Variants in CTNNA2 observed in about 807,000 individuals in gnomAD.
CTNNA2 encodes the protein catenin alpha-2.
CTNNA2 carries 42 observed loss-of-function variants against 101.0 expected under a neutral mutation model. That is an observed-to-expected ratio of 0.42 (90% CI 0.32 to 0.54). The LOEUF is 0.54. CTNNA2 is among the 20% of genes least tolerant of loss of function. CTNNA2 has a pLI of 0.14. For synonymous variants in CTNNA2, 450 were observed against 456.4 expected, an observed-to-expected ratio of 0.99 and a Z score of 0.18; for missense variants, 871 against 1,223.1, an observed-to-expected ratio of 0.71 and a Z score of 4.29.
chr2:80,050,109 G>C lies in CTNNA2; in HGVS notation c.1056+140312G>C, dbSNP rs572403469. 1.2e-4 allele frequency among the ~76,000 whole-genome samples: 19 copies of C among 152,190 alleles called. No homozygotes were observed. In the East Asian group the frequency reaches 2.9e-3, roughly 23 times the overall value. ...CTTTATAAGCTGATGCTGCCCATTC[G>C]AGTTACCTATTGACAAGCCATTTGT... On this transcript the variant is annotated intron_variant, in intron 7 of 18. Transcript: ENST00000402739.
intron 9 of CTNNA2, among the ~76,000 whole-genome samples, chr2:80,485,183 C>G (rs774835966): frequency 1.3e-5 from 2 of 152,076 alleles, no homozygotes; most frequent in Non-Finnish European, 2.9e-5. Flanking sequence ...TTATTTTCAT[C>G]CACTGTCAAA....
chr2:79,859,611 GT>G (rs5832414), intron 4 of CTNNA2, among the ~76,000 whole-genome samples: 61,581 of 150,726 alleles, frequency 0.41, 13,133 homozygotes, highest in East Asian at 0.73. Context: ...CTGCTTGGAA[GT>G]TTTTTTTATT....
intron 7 of CTNNA2, among the ~76,000 whole-genome samples, chr2:79,916,045 A>G (rs1197626993): frequency 6.6e-6 from 1 of 152,238 alleles, no homozygotes; most frequent in East Asian, 1.9e-4. Flanking sequence ...TTGATTAAAC[A>G]TGAAATTTGT....
chr2:80,323,997 T>G lies in CTNNA2; in HGVS notation c.1057-69214T>G, dbSNP rs143323636. Among the ~76,000 whole-genome samples, 1,082 of 152,186 alleles carry G rather than the reference T, an allele frequency of 7.1e-3. 14 individuals carry two copies. The highest frequency in any genetic ancestry group is 0.025 in the African/African-American group (1,019 of 41,514). On this transcript the variant is annotated intron_variant, in intron 7 of 18. Coordinates refer to ENST00000402739, the MANE Select transcript of CTNNA2 (RefSeq NM_001282597.3). ...TAAAGCTGCAATTAAAGATTGCCCTTCAGTCAAAAGAAAAGCATGTAAAAA... is the reference window on the plus strand; with the variant it reads ...TAAAGCTGCAATTAAAGATTGCCCTGCAGTCAAAAGAAAAGCATGTAAAAA...
chr2:79,523,950 CTG>C (rs1223963797), intron 1 of CTNNA2, among the ~76,000 whole-genome samples: 1 of 151,994 alleles, frequency 6.6e-6, no homozygotes, highest in Non-Finnish European at 1.5e-5. Context: ...AATTTAAGGA[CTG>C]AATTATATTC....
At chr2:80,278,846 G>T (rs1279718515) in intron 7 of CTNNA2, among the ~76,000 whole-genome samples, 1 of 151,758 alleles carries the variant, frequency 6.6e-6, no homozygotes, top group Non-Finnish European at 1.5e-5. Context: ...GGCACACCTG[G>T]GGTTCTAGCT....
chr2:79,419,567 AT>A (rs1678517878), intron 4 of CTNNA2, among the ~76,000 whole-genome samples: 1 of 152,134 alleles, frequency 6.6e-6, no homozygotes. Flanking sequence ...AAAATAGTGT[AT>A]TTAAAAAATA....
intron 1 of CTNNA2, among the ~76,000 whole-genome samples, chr2:79,523,932 G>C (rs72921164): frequency 6.6e-6 from 1 of 151,846 alleles, no homozygotes; most frequent in African/African-American, 2.4e-5. Context: ...GCATGACTTA[G>C]TTATTTTAAT....
intron 7 of CTNNA2, among the ~76,000 whole-genome samples, chr2:80,319,893 G>A (rs1678512268): frequency 6.6e-6 from 1 of 152,176 alleles, no homozygotes; most frequent in Non-Finnish European, 1.5e-5. Context: ...AAGTGAGAGT[G>A]TCTCTTCCTG....
At chr2:79,663,740 G>A (rs7590351) in intron 2 of CTNNA2, among the ~76,000 whole-genome samples, 27,693 of 152,110 alleles carry the variant, frequency 0.18, 2,741 homozygotes, top group East Asian at 0.25. Context: ...GTATTTGTGT[G>A]TGTGAATTTT....
intron 1 of CTNNA2, among the ~76,000 whole-genome samples, chr2:79,568,459 C>T (rs1221966299): frequency 1.3e-5 from 2 of 151,484 alleles, no homozygotes; most frequent in Admixed American, 6.6e-5. Context: ...AAAAATTAGC[C>T]AGTAGTGGTG....
intron 3 of CTNNA2, among the ~76,000 whole-genome samples, chr2:79,341,924 T>C (rs1041581535): frequency 6.6e-6 from 1 of 152,204 alleles, no homozygotes; most frequent in African/African-American, 2.4e-5. Flanking sequence ...TGTATGTCCA[T>C]GAAAGGGTGT....
intron 4 of CTNNA2, among the ~76,000 whole-genome samples, chr2:79,378,450 T>A (rs1470177785): frequency 6.6e-6 from 1 of 152,134 alleles, no homozygotes; most frequent in Non-Finnish European, 1.5e-5. Flanking sequence ...AGTTAAAAAA[T>A]TGTGGGGCCT....
intron 3 of CTNNA2, among the ~76,000 whole-genome samples, chr2:79,315,702 G>C (rs1676481139): frequency 6.6e-6 from 1 of 152,086 alleles, no homozygotes; most frequent in Non-Finnish European, 1.5e-5. Context: ...ACTATGGATA[G>C]TGCTACTATG....
At chr2:80,282,959 T>A (rs1674500137) in intron 7 of CTNNA2, among the ~76,000 whole-genome samples, 1 of 152,052 alleles carries the variant, frequency 6.6e-6, no homozygotes, top group Admixed American at 6.6e-5. Context: ...GGCTAGTGGA[T>A]CCTCAAGGTA....
chr2:80,528,711 ATAAAT>A (rs953845084), intron 9 of CTNNA2, among the ~76,000 whole-genome samples: 1 of 152,140 alleles, frequency 6.6e-6, no homozygotes, highest in African/African-American at 2.4e-5. Flanking sequence ...AAAAATAAAA[ATAAAT>A]TACTCATTCC....
intron 3 of CTNNA2, among the ~76,000 whole-genome samples, chr2:79,344,887 A>T (rs1042868730): frequency 6.8e-6 from 1 of 146,684 alleles, no homozygotes; most frequent in African/African-American, 2.5e-5. Flanking sequence ...TATAATATAT[A>T]TATAAAGTCT....
At chr2:80,616,634 A>C (rs1698877703) in intron 17 of CTNNA2, 1 of 151,678 alleles carries the variant, frequency 6.6e-6, no homozygotes, top group Admixed American at 6.6e-5. Flanking sequence ...CAAACACTTC[A>C]TATCTTGTCT....
intron 7 of CTNNA2, among the ~76,000 whole-genome samples, chr2:79,951,003 A>G (rs988838631): frequency 2.0e-5 from 3 of 152,206 alleles, no homozygotes; most frequent in African/African-American, 4.8e-5. Context: ...AAAATATACT[A>G]TATAATTTAT....
Sources: gnomAD v4.1 joint callset for allele counts (sites outside exome capture counted in the v4.1 genomes callset) on GRCh38, gnomAD v4.1.1 for gene constraint, MANE v1.5 for transcripts, NCBI Gene and HGNC (gene_info 2026-07-23, HGNC 2026-07-21) for gene names.